Variants in GPM6B observed in about 807,000 individuals in gnomAD.
The protein encoded by GPM6B is neuronal membrane glycoprotein M6-b.
Under a neutral mutation model 27.2 loss-of-function variants are expected in GPM6B, and 4 were observed. The observed-to-expected ratio is 0.15, with a 90% CI of 0.07 to 0.34. The LOEUF (loss-of-function observed/expected upper bound fraction) is 0.34, where lower values mean the gene tolerates loss of function less well. Ranked by LOEUF, GPM6B falls within the 10% of genes least tolerant of loss-of-function variation. The pLI is 1.00. For synonymous variants in GPM6B, 124 were observed against 103.1 expected (o/e 1.20, Z -1.23); for missense variants, 183 against 261.9 (o/e 0.70, Z 2.08).
At chrX:13,796,344 C>T in intron 2 of GPM6B, among the ~76,000 whole-genome samples, 1 of 112,363 alleles carries the variant, frequency 8.9e-6, no homozygotes, top group Non-Finnish European at 1.9e-5. Flanking sequence ...GCTGGGATTA[C>T]AGGCATGAGC....
At chrX:13,776,963 G>T (rs2048423976) in intron 6 of GPM6B, among the ~76,000 whole-genome samples, 2 of 111,728 alleles carry the variant, frequency 1.8e-5, no homozygotes, top group East Asian at 5.6e-4. Context: ...ACTCCTCTAT[G>T]AAAATTAACT....
chrX:13,794,683 AAAAT>A (rs1458399028), intron 2 of GPM6B, among the ~76,000 whole-genome samples: 1 of 112,194 alleles, frequency 8.9e-6, no homozygotes, highest in African/African-American at 3.2e-5. Context: ...CGCTCGCAAG[AAAAT>A]AAATTAAAAA....
At position 13,926,401 on chromosome X, in the gene GPM6B, C is replaced by T. The variant is rs772501227; in HGVS notation, c.-198+11926G>A. Among the ~76,000 whole-genome samples the T allele has an allele frequency of 2.9e-3, 303 of 103,141 alleles. 2 individuals carry two copies. The highest frequency in any genetic ancestry group is 5.0e-3 in the Middle Eastern group (1 of 199). 89.6% of individuals were successfully genotyped at this position (103,141 alleles called of 115,157 possible). On this transcript the variant is annotated intron_variant, in intron 1 of 6. Coordinates refer to the GPM6B transcript ENST00000398361. ...CCAGCCTGGGTGACACAGAGCGAGA[C>T]TCCATCTCAAAAAAACAAACAAACA...
intron 2 of GPM6B, among the ~76,000 whole-genome samples, chrX:13,802,303 T>C (rs1170833653): frequency 9.1e-6 from 1 of 110,306 alleles, no homozygotes; most frequent in African/African-American, 3.3e-5. Context: ...AAGCCCGAGA[T>C]CAACACTCAA....
At chrX:13,899,288 G>A (rs1411270167) in intron 1 of GPM6B, among the ~76,000 whole-genome samples, 2 of 106,568 alleles carry the variant, frequency 1.9e-5, no homozygotes, top group African/African-American at 6.9e-5. Flanking sequence ...GTGGGCGCCT[G>A]TAATCCCAGC....
At chrX:13,870,928 A>G (rs779110499) in intron 1 of GPM6B, among the ~76,000 whole-genome samples, 11 of 110,584 alleles carry the variant, frequency 9.9e-5, no homozygotes, top group Non-Finnish European at 1.9e-4. Flanking sequence ...AAAACTAGGT[A>G]GGTGCAGTGG....
chrX:13,802,482 G>C (rs2048940006), intron 2 of GPM6B, among the ~76,000 whole-genome samples: 1 of 110,541 alleles, frequency 9.0e-6, no homozygotes, highest in Non-Finnish European at 1.9e-5. Flanking sequence ...ATAAACAATG[G>C]AACGTTCAAA....
intron 2 of GPM6B, among the ~76,000 whole-genome samples, chrX:13,790,370 T>A (rs1218474439): frequency 8.9e-6 from 1 of 112,358 alleles, no homozygotes; most frequent in Non-Finnish European, 1.9e-5. Flanking sequence ...AGTGTGTTCA[T>A]TGGACCAGCA....
intron 2 of GPM6B, among the ~76,000 whole-genome samples, chrX:13,806,802 C>T (rs770390454): frequency 2.5e-4 from 28 of 112,059 alleles, no homozygotes; most frequent in African/African-American, 8.7e-4. Context: ...CACAGAAATA[C>T]TTTAAGCCTC....
At chrX:13,845,282 AC>A (rs1214632334) in intron 1 of GPM6B, among the ~76,000 whole-genome samples, 1 of 111,591 alleles carries the variant, frequency 9.0e-6, no homozygotes. Context: ...GAGCCACTGC[AC>A]CTGGCCAGAA....
intron 1 of GPM6B, among the ~76,000 whole-genome samples, chrX:13,921,676 A>G (rs767656587): frequency 2.8e-5 from 3 of 108,984 alleles, no homozygotes; most frequent in East Asian, 5.8e-4. Context: ...CGCGAGTTCA[A>G]GCAGCAATTC....
At chrX:13,930,133 A>G (rs1921414315) in intron 1 of GPM6B, among the ~76,000 whole-genome samples, 1 of 112,310 alleles carries the variant, frequency 8.9e-6, no homozygotes, top group Non-Finnish European at 1.9e-5. Flanking sequence ...CTAACCAAGT[A>G]AGCAATTCTT....
upstream of GPM6B, among the ~76,000 whole-genome samples, chrX:13,818,778 C>T (rs2049276256): frequency 8.9e-6 from 1 of 112,520 alleles, no homozygotes; most frequent in Non-Finnish European, 1.9e-5. Flanking sequence ...CAGTCTTAGA[C>T]ATTTTTTGCA....
At chrX:13,931,828 T>G (rs1921581168) in intron 1 of GPM6B, among the ~76,000 whole-genome samples, 1 of 112,136 alleles carries the variant, frequency 8.9e-6, no homozygotes, top group Non-Finnish European at 1.9e-5. Context: ...CCAGGTCAGT[T>G]TCTTCAGAAT....
chrX:13,823,520 GTTTT>G (rs201574507), intron 1 of GPM6B, among the ~76,000 whole-genome samples: 35,709 of 95,504 alleles, frequency 0.37, 5,134 homozygotes, highest in Non-Finnish European at 0.48. Context: ...ACTGAACCTG[GTTTT>G]TTTTTTTTTT....
intron 1 of GPM6B, among the ~76,000 whole-genome samples, chrX:13,901,464 TC>T (rs2050281897): frequency 9.2e-6 from 1 of 109,256 alleles, no homozygotes; most frequent in African/African-American, 3.3e-5. Context: ...AACTTCCAAG[TC>T]TATAAAAATT....
chrX:13,846,551 C>T (rs2049648531), intron 1 of GPM6B, among the ~76,000 whole-genome samples: 1 of 110,160 alleles, frequency 9.1e-6, no homozygotes, highest in African/African-American at 3.3e-5. Flanking sequence ...AGTGCAGTGG[C>T]GTGATCTCAG....
chrX:13,865,542 C>CAAAAAAAAAAA (rs1171503867), intron 1 of GPM6B, among the ~76,000 whole-genome samples: 10 of 14,623 alleles, frequency 6.8e-4, no homozygotes, highest in Non-Finnish European at 1.3e-3. Flanking sequence ...TCCATCTCTT[C>CAAAAAAAAAAA]AAAAAAAAAA....
At chrX:13,859,589 A>T (rs375885753) in intron 1 of GPM6B, among the ~76,000 whole-genome samples, 2 of 110,569 alleles carry the variant, frequency 1.8e-5, no homozygotes, top group East Asian at 5.6e-4. Flanking sequence ...TATACCAGAC[A>T]TGATTATATA....
Sources: allele counts gnomAD v4.1 joint callset (sites outside exome capture counted in the v4.1 genomes callset), GRCh38; gene constraint gnomAD v4.1.1; transcripts MANE v1.5; gene names NCBI Gene and HGNC (gene_info 2026-07-23, HGNC 2026-07-21).